Variants in BMAL2 observed in about 807,000 individuals in gnomAD.
The protein encoded by BMAL2 is basic helix-loop-helix ARNT-like protein 2.
the BMAL2 span, among the ~76,000 whole-genome samples, chr12:27,340,085 G>A: frequency 1.3e-5 from 2 of 152,138 alleles, no homozygotes; most frequent in Non-Finnish European, 2.9e-5. Flanking sequence ...CCTTTGCTGT[G>A]TAGAAGCTCT....
At chr12:27,389,833 CTTAAA>C in the BMAL2 span, 3 of 300,222 alleles carry the variant, frequency 1.0e-5, no homozygotes, top group Non-Finnish European at 1.8e-5. Flanking sequence ...TTTCATTTCA[CTTAAA>C]TTAACTTTGT....
chr12:27,386,579 G>T, the BMAL2 span, among the ~76,000 whole-genome samples: 1 of 152,142 alleles, frequency 6.6e-6, no homozygotes, highest in Non-Finnish European at 1.5e-5. Context: ...CACATCCACA[G>T]GCAATTGTTG....
chr12:27,358,669 G>A, the BMAL2 span, among the ~76,000 whole-genome samples: 1 of 152,090 alleles, frequency 6.6e-6, no homozygotes, highest in Admixed American at 6.6e-5. Flanking sequence ...TTATCTCTGT[G>A]TTCTTGCAGC....
the BMAL2 span, among the ~76,000 whole-genome samples, chr12:27,344,805 G>T: frequency 6.6e-6 from 1 of 152,178 alleles, no homozygotes; most frequent in African/African-American, 2.4e-5. Flanking sequence ...TCTGAGCCTT[G>T]GTTTTCTCAC....
chr12:27,379,649 G>A, the BMAL2 span, among the ~76,000 whole-genome samples: 2 of 152,212 alleles, frequency 1.3e-5, no homozygotes, highest in African/African-American at 4.8e-5. Context: ...ATCTTCGCTG[G>A]GACAGTTTTA....
At chr12:27,360,106 AT>A in the BMAL2 span, among the ~76,000 whole-genome samples, 3 of 151,930 alleles carry the variant, frequency 2.0e-5, no homozygotes, top group Non-Finnish European at 4.4e-5. Flanking sequence ...AAGAGAAGGA[AT>A]TTAGCACTGA....
chr12:27,418,230 G>A, the BMAL2 span: 42 of 1,464,982 alleles, frequency 2.9e-5, no homozygotes, highest in East Asian at 4.7e-5. Flanking sequence ...GACCATTTTC[G>A]TTTATCAAAA....
At chr12:27,332,929 T>G in the BMAL2 span, 19 of 430,076 alleles carry the variant, frequency 4.4e-5, no homozygotes, top group East Asian at 8.2e-5. Context: ...CGGGCTGCGG[T>G]GGCGGCCGCC....
the BMAL2 span, among the ~76,000 whole-genome samples, chr12:27,388,144 A>G: frequency 6.6e-6 from 1 of 152,022 alleles, no homozygotes; most frequent in Non-Finnish European, 1.5e-5. Flanking sequence ...AGTTTAGGGT[A>G]CCACTTAAGT....
the BMAL2 span, chr12:27,421,126 A>C: frequency 6.6e-6 from 1 of 152,238 alleles, no homozygotes; most frequent in African/African-American, 2.4e-5. Flanking sequence ...GAGCACTTTA[A>C]GATGAATTTT....
chr12:27,368,868 TA>T, the BMAL2 span, among the ~76,000 whole-genome samples: 1 of 152,334 alleles, frequency 6.6e-6, no homozygotes, highest in African/African-American at 2.4e-5. Flanking sequence ...AAATTGATAA[TA>T]AAGTCAATGT....
At chr12:27,361,829 A>G in the BMAL2 span, among the ~76,000 whole-genome samples, 2 of 152,152 alleles carry the variant, frequency 1.3e-5, no homozygotes, top group African/African-American at 2.4e-5. Flanking sequence ...TTCTACTGAC[A>G]TAGAGTCAAT....
At chr12:27,370,179 TTACC>T in the BMAL2 span, 1 of 1,614,096 alleles carries the variant, frequency 6.2e-7, no homozygotes, top group Admixed American at 1.7e-5. Flanking sequence ...CAGAATCCCC[TTACC>T]TATCTTCTTT....
At chr12:27,371,521 G>A in the BMAL2 span, among the ~76,000 whole-genome samples, 1 of 152,132 alleles carries the variant, frequency 6.6e-6, no homozygotes, top group African/African-American at 2.4e-5. Context: ...TTAGAGGGGG[G>A]TGAGCTATGA....
At chr12:27,380,123 G>A in the BMAL2 span, 1 of 915,386 alleles carries the variant, frequency 1.1e-6, no homozygotes, top group South Asian at 1.7e-5. Flanking sequence ...CAACTGCAGG[G>A]CCCAAGTGGG....
the BMAL2 span, chr12:27,415,957 C>T: frequency 7.3e-6 from 11 of 1,512,424 alleles, no homozygotes; most frequent in African/African-American, 8.3e-5. Flanking sequence ...TGTAAGTATA[C>T]TTGTAAATGA....
the BMAL2 span, among the ~76,000 whole-genome samples, chr12:27,397,856 T>C: frequency 1.3e-5 from 2 of 152,148 alleles, no homozygotes; most frequent in Non-Finnish European, 2.9e-5. Context: ...AGTGCAACAG[T>C]ACACCCAGAA....
At chr12:27,333,078 G>A in the BMAL2 span, 6 of 1,204,894 alleles carry the variant, frequency 5.0e-6, no homozygotes, top group Non-Finnish European at 6.2e-6. Flanking sequence ...CTGCGATGGC[G>A]GCGGAAGAGG....
At chr12:27,394,023 C>A in the BMAL2 span, among the ~76,000 whole-genome samples, 2 of 152,182 alleles carry the variant, frequency 1.3e-5, no homozygotes, top group African/African-American at 2.4e-5. Flanking sequence ...CCTCAAACTC[C>A]TGGGCTCAGA....
Sources: allele counts gnomAD v4.1 joint callset (sites outside exome capture counted in the v4.1 genomes callset), GRCh38; gene constraint gnomAD v4.1.1; transcripts MANE v1.5; gene names NCBI Gene and HGNC (gene_info 2026-07-23, HGNC 2026-07-21).